FOXP1: variants seen among roughly 807,000 people sequenced by gnomAD.
FOXP1 encodes forkhead box P1.
FOXP1 carries 15 observed loss-of-function variants against 98.2 expected under a neutral mutation model. The ratio of observed to expected loss-of-function variants is 0.15; its 90% CI spans 0.10 to 0.24. The LOEUF (loss-of-function observed/expected upper bound fraction) is 0.24. Ranked by LOEUF, FOXP1 falls within the 10% of genes least tolerant of loss-of-function variation. The pLI is 1.00. For synonymous variants in FOXP1, 371 were observed against 314.5 expected (o/e 1.18, Z -1.90); for missense variants, 633 against 848.5 (o/e 0.75, Z 3.15).
At chr3:71,161,777 T>A (rs2061149541) in intron 6 of FOXP1, among the ~76,000 whole-genome samples, 1 of 152,218 alleles carries the variant, frequency 6.6e-6, no homozygotes, top group South Asian at 2.1e-4. Flanking sequence ...AAACAGTGGA[T>A]ACAGAGATCT....
chr3:71,463,737 C>A (rs2088401043), intron 3 of FOXP1, among the ~76,000 whole-genome samples: 1 of 152,138 alleles, frequency 6.6e-6, no homozygotes, highest in Non-Finnish European at 1.5e-5. Flanking sequence ...CGTCTTGACC[C>A]CAAACACAGC....
intron 3 of FOXP1, among the ~76,000 whole-genome samples, chr3:71,466,746 G>A (rs970673025): frequency 6.6e-6 from 1 of 152,158 alleles, no homozygotes; most frequent in Non-Finnish European, 1.5e-5. Flanking sequence ...AGATATATCC[G>A]ACCATCGGGA....
At chr3:71,072,654 C>G (rs1012612812) in intron 7 of FOXP1, among the ~76,000 whole-genome samples, 9 of 152,166 alleles carry the variant, frequency 5.9e-5, no homozygotes, top group African/African-American at 2.2e-4. Flanking sequence ...GTGCTTGTGA[C>G]TTTTTCATCC....
intron 3 of FOXP1, chr3:71,360,907 C>T (rs1469374243): frequency 6.6e-6 from 1 of 152,186 alleles, no homozygotes; most frequent in Non-Finnish European, 1.5e-5. Flanking sequence ...CCTACCAGAA[C>T]TCAGAAGAGA....
chr3:70,994,626 C>T (rs779654264), intron 13 of FOXP1, among the ~76,000 whole-genome samples: 1 of 152,156 alleles, frequency 6.6e-6, no homozygotes, highest in African/African-American at 2.4e-5. Context: ...GCCACACCAC[C>T]TTACTATCTG....
At chr3:71,569,809 G>A (rs979503527) in intron 2 of FOXP1, among the ~76,000 whole-genome samples, 2 of 149,298 alleles carry the variant, frequency 1.3e-5, no homozygotes, top group African/African-American at 4.9e-5. Flanking sequence ...TTGAGACGGA[G>A]TCTCGCTCTG....
chr3:71,015,164 CCAACAACAA>C (rs529565593), intron 12 of FOXP1, among the ~76,000 whole-genome samples: 1 of 150,426 alleles, frequency 6.6e-6, no homozygotes, highest in Non-Finnish European at 1.5e-5. Context: ...GATGACACCT[CCAACAACAA>C]CAACAACAAC....
intron 3 of FOXP1, among the ~76,000 whole-genome samples, chr3:71,486,532 G>A (rs953036370): frequency 1.4e-4 from 21 of 152,158 alleles, no homozygotes; most frequent in Non-Finnish European, 2.1e-4. Flanking sequence ...CGGGCCAAGA[G>A]GGTAACAATT....
intron 2 of FOXP1, among the ~76,000 whole-genome samples, chr3:71,545,086 G>T (rs1015280448): frequency 6.9e-6 from 1 of 144,884 alleles, no homozygotes; most frequent in Non-Finnish European, 1.5e-5. Context: ...GACCATGGGT[G>T]GTAAAACAAT....
At chr3:71,438,516 C>T (rs2085588237) in intron 3 of FOXP1, among the ~76,000 whole-genome samples, 1 of 152,098 alleles carries the variant, frequency 6.6e-6, no homozygotes. Flanking sequence ...GATTTAGCAT[C>T]CTAGCACAGT....
At chr3:71,301,785 G>A (rs1270468096) in intron 4 of FOXP1, among the ~76,000 whole-genome samples, 8 of 152,154 alleles carry the variant, frequency 5.3e-5, no homozygotes, top group East Asian at 3.9e-4. Flanking sequence ...TTGAACCTGC[G>A]GAACACTTTC....
intron 11 of FOXP1, among the ~76,000 whole-genome samples, chr3:71,031,316 G>A (rs1350805966): frequency 6.6e-6 from 1 of 152,176 alleles, no homozygotes; most frequent in Non-Finnish European, 1.5e-5. Context: ...AAATTTGAAG[G>A]TCATAAAAGT....
chr3:71,404,104 T>TTTTTCTTTTCTTTTC (rs377427919), intron 3 of FOXP1, among the ~76,000 whole-genome samples: 1 of 123,802 alleles, frequency 8.1e-6, no homozygotes, highest in African/African-American at 3.1e-5. Context: ...TATTGGGGTT[T>TTTTTCTTTTCTTTTC]TTTTCTTTTC....
At chr3:71,553,591 C>T (rs2045923207) in intron 2 of FOXP1, among the ~76,000 whole-genome samples, 1 of 152,130 alleles carries the variant, frequency 6.6e-6, no homozygotes, top group South Asian at 2.1e-4. Flanking sequence ...TTTTTACCAA[C>T]AACTGAAATT....
chr3:71,001,281 TC>T (rs1365221327), intron 12 of FOXP1, among the ~76,000 whole-genome samples: 1 of 152,154 alleles, frequency 6.6e-6, no homozygotes, highest in Non-Finnish European at 1.5e-5. Context: ...AGGGAGAAGT[TC>T]TGCAGGGCGT....
intron 3 of FOXP1, among the ~76,000 whole-genome samples, chr3:71,407,104 C>A (rs750889514): frequency 6.6e-5 from 10 of 152,134 alleles, no homozygotes; most frequent in Non-Finnish European, 1.3e-4. Context: ...AATACAGCAA[C>A]TCCACTCTGT....
intron 3 of FOXP1, among the ~76,000 whole-genome samples, chr3:71,393,905 G>C (rs963289565): frequency 1.3e-5 from 2 of 152,080 alleles, no homozygotes; most frequent in Admixed American, 6.5e-5. Context: ...GTGTTGCCCA[G>C]GCTGGTGTTG....
At chr3:71,358,671 A>C (rs2078340010) in intron 4 of FOXP1, among the ~76,000 whole-genome samples, 1 of 152,194 alleles carries the variant, frequency 6.6e-6, no homozygotes, top group South Asian at 2.1e-4. Flanking sequence ...TTTACAGGTC[A>C]AATGTCCGTT....
chr3:71,535,653 G>A (rs2107567937), intron 2 of FOXP1, among the ~76,000 whole-genome samples: 1 of 152,280 alleles, frequency 6.6e-6, no homozygotes, highest in South Asian at 2.1e-4. Context: ...GAGCCTGGGA[G>A]GTGAAGGCTG....
Sources: gnomAD v4.1 joint callset for allele counts (sites outside exome capture counted in the v4.1 genomes callset) on GRCh38, gnomAD v4.1.1 for gene constraint, MANE v1.5 for transcripts, NCBI Gene and HGNC (gene_info 2026-07-23, HGNC 2026-07-21) for gene names.